Variants in DCUN1D3 observed in about 807,000 individuals in gnomAD.
The protein encoded by DCUN1D3 is DCN1-like protein 3.
DCUN1D3 carries 6 observed loss-of-function variants against 24.8 expected under a neutral mutation model. That is an observed-to-expected ratio of 0.24 (90% confidence interval 0.13 to 0.48). The LOEUF (loss-of-function observed/expected upper bound fraction) is 0.48. Among genes scored for constraint, DCUN1D3 ranks in the 20% least tolerant of loss-of-function variants. The pLI is 0.99. For synonymous variants in DCUN1D3, 120 were observed against 144.9 expected, an observed-to-expected ratio of 0.83 and a Z score of 1.24; for missense variants, 258 against 379.4, an observed-to-expected ratio of 0.68 and a Z score of 2.66.
At chr16:20,875,528 G>C (rs1390973849) in intron 1 of DCUN1D3, among the ~76,000 whole-genome samples, 1 of 152,172 alleles carries the variant, frequency 6.6e-6, no homozygotes, top group Admixed American at 6.5e-5. Flanking sequence ...AGTCTTCTCA[G>C]TTGAAAACGG....
At chr16:20,867,655 GAA>G (rs2081769071) in intron 1 of DCUN1D3, among the ~76,000 whole-genome samples, 1 of 152,220 alleles carries the variant, frequency 6.6e-6, no homozygotes, top group Non-Finnish European at 1.5e-5. Context: ...TGGCTTCAGA[GAA>G]AACACTTGAT....
At position 20,860,156 on chromosome 16, in the gene DCUN1D3, C is replaced by T. The variant is rs145837764; in HGVS notation, c.645G>A (p.Gln215=). ...AIALWKLVFT[Q]NNPPVLDQWL... ...ATTGGTCCAATACCGGAGGATTGTT[C>T]TGGGTAAAGACTAGTTTCCACAGGG... is the stretch of plus-strand genomic sequence containing the variant. Residue 215 remains glutamine, a synonymous_variant, in exon 3 of 3, where the codon CAG becomes CAA. Transcript: ENST00000324344. The surrounding 1 kb of genome is among the most constrained non-coding windows in gnomAD (Gnocchi z 4.3). 6.2e-7 allele frequency: 1 copy of T among 1,614,220 alleles called. No individual in the cohort carries two copies. The highest frequency in any genetic ancestry group is 1.7e-5 in the Admixed American group (1 of 60,032).
intron 1 of DCUN1D3, among the ~76,000 whole-genome samples, chr16:20,898,071 C>T (rs2081926073): frequency 6.6e-6 from 1 of 152,216 alleles, no homozygotes; most frequent in African/African-American, 2.4e-5. Flanking sequence ...AACCCATCCT[C>T]TTTCCACTAC....
chr16:20,871,398 A>G (rs2081787564), intron 1 of DCUN1D3, among the ~76,000 whole-genome samples: 1 of 152,244 alleles, frequency 6.6e-6, no homozygotes, highest in African/African-American at 2.4e-5. Context: ...GAGGACAGAG[A>G]AAACTTTTAA....
At chr16:20,870,179 A>C (rs1265859577) in intron 1 of DCUN1D3, among the ~76,000 whole-genome samples, 3 of 152,190 alleles carry the variant, frequency 2.0e-5, no homozygotes, top group Non-Finnish European at 4.4e-5. Flanking sequence ...TTCTGGGACT[A>C]CTTCACCTTT....
intron 1 of DCUN1D3, among the ~76,000 whole-genome samples, chr16:20,898,853 ACT>A (rs2081935274): frequency 6.6e-6 from 1 of 150,674 alleles, no homozygotes; most frequent in South Asian, 2.1e-4. Context: ...ATAACACTTC[ACT>A]CTGATATCTG....
intron 1 of DCUN1D3, among the ~76,000 whole-genome samples, chr16:20,888,677 A>G (rs1164836205): frequency 1.3e-5 from 2 of 152,024 alleles, no homozygotes; most frequent in Non-Finnish European, 2.9e-5. Context: ...CTAGTCTTGA[A>G]CTGGTGGGCT....
At chr16:20,897,581 C>A (rs1474092141) in intron 1 of DCUN1D3, among the ~76,000 whole-genome samples, 1 of 152,178 alleles carries the variant, frequency 6.6e-6, no homozygotes, top group South Asian at 2.1e-4. Context: ...TCCTGATGGT[C>A]ATCTTGGTAG....
rs1159631199 is a variant in DCUN1D3 at position 20,860,874 on chromosome 16, T to A, written c.432-505A>T. Among the ~76,000 whole-genome samples the A allele has an allele frequency of 1.3e-5, 2 of 152,222 alleles. No individual in the cohort carries two copies. Among genetic ancestry groups the A allele is most frequent in the East Asian group, 1.9e-4 (1 of 5,202 alleles). On this transcript the variant is annotated intron_variant, in intron 2 of 2. Transcript: ENST00000324344. The surrounding 1 kb of genome is among the most constrained non-coding windows in gnomAD (Gnocchi z 4.3). Reference sequence around the variant, plus strand: ...TCTACCACCAGAGATCAAAATTCTATTATTAAAAAACAAAAATTATGTATG... The same window carrying A: ...TCTACCACCAGAGATCAAAATTCTAATATTAAAAAACAAAAATTATGTATG...
chr16:20,884,935 A>G (rs1313877262), intron 1 of DCUN1D3, among the ~76,000 whole-genome samples: 1 of 151,718 alleles, frequency 6.6e-6, no homozygotes, highest in Non-Finnish European at 1.5e-5. Flanking sequence ...AATAAAATAA[A>G]TTAGGAGAAT....
intron 1 of DCUN1D3, among the ~76,000 whole-genome samples, chr16:20,870,085 C>T (rs958031233): frequency 5.3e-5 from 8 of 152,168 alleles, no homozygotes; most frequent in Admixed American, 1.3e-4. Context: ...TGTGCACTCT[C>T]GAGCAAGCCA....
Position 20,862,542 on chromosome 16 carries a change from G to A in DCUN1D3, c.-4C>T. ...ACTTGGTGACACACTGGCCCATGGT[G>A]CTGGTGGCCTGGCCTCTAGAGTGGA... On this transcript the variant is annotated 5_prime_UTR_variant, in exon 2 of 3. Transcript: ENST00000324344. 1 of 1,597,986 alleles carries A rather than the reference G, an allele frequency of 6.3e-7. No homozygotes were observed. Among genetic ancestry groups the A allele is most frequent in the Middle Eastern group, 1.7e-4 (1 of 6,034 alleles).
chr16:20,868,495 A>C (rs1406357704), intron 1 of DCUN1D3, among the ~76,000 whole-genome samples: 1 of 152,242 alleles, frequency 6.6e-6, no homozygotes, highest in Non-Finnish European at 1.5e-5. Flanking sequence ...TGGAACTTTA[A>C]ATCGAGGCAG....
intron 1 of DCUN1D3, among the ~76,000 whole-genome samples, chr16:20,891,607 G>T (rs1365305989): frequency 6.6e-6 from 1 of 152,200 alleles, no homozygotes; most frequent in Non-Finnish European, 1.5e-5. Context: ...CGGCCTTCGA[G>T]GGGGCACAGT....
At chr16:20,885,414 C>T (rs1206764749) in intron 1 of DCUN1D3, among the ~76,000 whole-genome samples, 1 of 152,120 alleles carries the variant, frequency 6.6e-6, no homozygotes, top group Non-Finnish European at 1.5e-5. Context: ...TATACCAGAT[C>T]CATGGCCCTT....
intron 1 of DCUN1D3, among the ~76,000 whole-genome samples, chr16:20,870,029 C>T (rs1051382872): frequency 2.2e-4 from 34 of 152,164 alleles, no homozygotes; most frequent in African/African-American, 6.3e-4. Context: ...GAACAGAATA[C>T]GCCCCCAGGA....
intron 1 of DCUN1D3, among the ~76,000 whole-genome samples, chr16:20,890,297 C>T (rs1465844645): frequency 6.6e-6 from 1 of 152,026 alleles, no homozygotes; most frequent in East Asian, 1.9e-4. Flanking sequence ...CTGCAGCTGG[C>T]ATCTGAAGTG....
chr16:20,886,530 T>C (rs1276592461), intron 1 of DCUN1D3, among the ~76,000 whole-genome samples: 1 of 152,266 alleles, frequency 6.6e-6, no homozygotes. Context: ...AAACTAAGTT[T>C]GTTATCTGAC....
At chr16:20,892,755 TG>T (rs869045627) in intron 1 of DCUN1D3, among the ~76,000 whole-genome samples, 6 of 151,666 alleles carry the variant, frequency 4.0e-5, no homozygotes, top group East Asian at 1.9e-4. Context: ...GGGGTTGGTT[TG>T]GGGGGGAAAA....
Sources: gnomAD v4.1 joint callset for allele counts (sites outside exome capture counted in the v4.1 genomes callset) on GRCh38, gnomAD v4.1.1 for gene constraint, Gnocchi (gnomAD v3.1) non-coding constraint, MANE v1.5 for transcripts, NCBI Gene and HGNC (gene_info 2026-07-23, HGNC 2026-07-21) for gene names.